ARV1: variants seen among roughly 807,000 people sequenced by gnomAD.
ARV1 encodes ARV1 fatty acid homeostasis modulator.
In ARV1, 26 loss-of-function variants were observed where a neutral mutation model predicts 31.1. That is an observed-to-expected ratio of 0.84 (90% CI 0.61 to 1.16). The LOEUF is 1.16. ARV1 is among the 50% of genes most tolerant of loss of function. The probability of loss-of-function intolerance (pLI) is 0.00; values close to 1 mark genes in which losing one functional copy is unlikely to be tolerated. For missense variants in ARV1, 281 were observed against 324.9 expected (o/e 0.86, Z 1.04); for synonymous variants, 117 against 123.2 (o/e 0.95, Z 0.34).
intron 3 of ARV1, among the ~76,000 whole-genome samples, chr1:230,992,660 C>T (rs2103053171): frequency 1.3e-5 from 2 of 152,302 alleles, no homozygotes; most frequent in South Asian, 4.1e-4. Flanking sequence ...ATACATTCAT[C>T]CACGCACTCT....
chr1:230,995,630 G>T, intron 3 of ARV1, 130 bp from the exon 4 acceptor site: 1 of 662,778 alleles, frequency 1.5e-6, no homozygotes, highest in Non-Finnish European at 2.4e-6. Context: ...AAAAGAGATT[G>T]TGATCTTGAG....
chr1:230,994,540 A>ATTT (rs34618657), intron 3 of ARV1, among the ~76,000 whole-genome samples: 23 of 134,056 alleles, frequency 1.7e-4, no homozygotes, highest in African/African-American at 5.3e-4. Flanking sequence ...AACCATCCTA[A>ATTT]TTTTTTTTTT....
intron 3 of ARV1, 100 bp from the exon 4 acceptor site, chr1:230,995,660 C>G (rs1679339561): frequency 1.2e-6 from 1 of 811,550 alleles, no homozygotes; most frequent in African/African-American, 1.8e-5. Context: ...CTTATGAAGT[C>G]AGCTGATAAG....
At chr1:230,989,079 A>C (rs2103049590) in intron 2 of ARV1, among the ~76,000 whole-genome samples, 1 of 152,340 alleles carries the variant, frequency 6.6e-6, no homozygotes, top group African/African-American at 2.4e-5. Context: ...ATACTTATAC[A>C]ATAAAAATGG....
intron 1 of ARV1, among the ~76,000 whole-genome samples, chr1:230,979,825 A>G (rs1179897850): frequency 6.6e-6 from 1 of 151,982 alleles, no homozygotes; most frequent in Middle Eastern, 3.4e-3. Flanking sequence ...ATGATTTTCC[A>G]TCTCAGAGTT....
intron 3 of ARV1, among the ~76,000 whole-genome samples, chr1:230,994,017 A>G (rs930325445): frequency 3.9e-5 from 6 of 152,226 alleles, no homozygotes; most frequent in Admixed American, 6.5e-5. Flanking sequence ...TCCCCCATCT[A>G]TAGCTGCAGA....
intron 1 of ARV1, among the ~76,000 whole-genome samples, chr1:230,981,890 G>A (rs527337203): frequency 6.6e-6 from 1 of 152,164 alleles, no homozygotes; most frequent in Non-Finnish European, 1.5e-5. Flanking sequence ...AATGCCTGGA[G>A]CACTCTTCTA....
At chr1:230,985,004 T>A (rs1038779763) in intron 1 of ARV1, among the ~76,000 whole-genome samples, 3 of 152,176 alleles carry the variant, frequency 2.0e-5, no homozygotes. Flanking sequence ...CTTAGTGTCT[T>A]GTAAATTAAG....
intron 2 of ARV1, among the ~76,000 whole-genome samples, chr1:230,989,199 C>T (rs1006807782): frequency 4.6e-5 from 7 of 152,100 alleles, no homozygotes; most frequent in Admixed American, 6.5e-5. Context: ...AGTGCAGTGG[C>T]GTGATCTCGG....
At chr1:230,993,643 C>T (rs189079214) in intron 3 of ARV1, among the ~76,000 whole-genome samples, 154 of 152,202 alleles carry the variant, frequency 1.0e-3, no homozygotes, top group Non-Finnish European at 1.9e-3. Flanking sequence ...ACCTGTAATC[C>T]CAGCACTTTG....
chr1:230,991,668 G>C (rs1258354467), intron 3 of ARV1, among the ~76,000 whole-genome samples: 3 of 137,068 alleles, frequency 2.2e-5, no homozygotes, highest in African/African-American at 8.4e-5. Context: ...GTCTCACTCT[G>C]TCGCCCAGGC....
At chr1:230,996,674 A>AGTCT (rs1414845054) in intron 4 of ARV1, among the ~76,000 whole-genome samples, 12 of 152,092 alleles carry the variant, frequency 7.9e-5, no homozygotes, top group Non-Finnish European at 1.6e-4. Flanking sequence ...GGGCTCGAGC[A>AGTCT]GTCTGTCCAC....
intron 5 of ARV1, chr1:230,999,721 T>TA (rs1679470593): frequency 6.6e-6 from 1 of 152,210 alleles, no homozygotes; most frequent in Non-Finnish European, 1.5e-5. Context: ...TTGCAGTGCT[T>TA]ACTTTTTCCG....
At chr1:230,995,582 T>TA (rs36036399) in intron 3 of ARV1, among the ~76,000 whole-genome samples, 178 bp from the exon 4 acceptor site, 36,913 of 141,494 alleles carry the variant, frequency 0.26, 4,898 homozygotes, top group Non-Finnish European at 0.29. Context: ...GGGGTTTATT[T>TA]AAAAAAAAAA....
intron 4 of ARV1, among the ~76,000 whole-genome samples, chr1:230,996,412 C>A (rs755546656): frequency 6.6e-6 from 1 of 151,938 alleles, no homozygotes; most frequent in Non-Finnish European, 1.5e-5. Flanking sequence ...TTCATTTTTC[C>A]CATATATTTT....
chr1:230,979,983 C>T (rs1558238754), intron 1 of ARV1, among the ~76,000 whole-genome samples: 1 of 152,158 alleles, frequency 6.6e-6, no homozygotes, highest in African/African-American at 2.4e-5. Flanking sequence ...TAGCAAAGAA[C>T]CTGTCACAGA....
chr1:230,992,635 T>A (rs1679259763), intron 3 of ARV1, among the ~76,000 whole-genome samples: 1 of 152,248 alleles, frequency 6.6e-6, no homozygotes. Flanking sequence ...CTCAGCTGAT[T>A]GAATGAATGA....
rs1558242688 is a variant in ARV1 at position 230,986,666 on chromosome 1, C to CTTTTTTTT, written c.175-1653_175-1652insTTTTTTTT. Among the ~76,000 whole-genome samples the CTTTTTTTT allele has an allele frequency of 7.5e-5, 6 of 79,688 alleles. 2 individuals carry two copies. The highest frequency in any genetic ancestry group is 3.4e-4 in the Admixed American group (2 of 5,964). The allele number at this position is 79,688 out of a possible 152,430, so 52.3% of individuals were successfully genotyped here. ...TCCACCCACAAATGTAATACTTTTCCTATTTTTTTTTTTTTTTTTTTTTTT... is the reference window on the plus strand; with the variant it reads ...TCCACCCACAAATGTAATACTTTTCCTTTTTTTTTATTTTTTTTTTTTTTTTTTTTTTT... On this transcript the variant is annotated intron_variant, in intron 1 of 5. Coordinates refer to ENST00000310256, the MANE Select transcript of ARV1 (RefSeq NM_022786.3).
intron 1 of ARV1, among the ~76,000 whole-genome samples, chr1:230,984,207 G>A (rs189743205): frequency 6.6e-6 from 1 of 152,282 alleles, no homozygotes; most frequent in Admixed American, 6.5e-5. Context: ...ACAAGATCCT[G>A]CCACTGCACT....
Sources: gnomAD v4.1 joint callset for allele counts (sites outside exome capture counted in the v4.1 genomes callset) on GRCh38, gnomAD v4.1.1 for gene constraint, MANE v1.5 for transcripts, NCBI Gene and HGNC (gene_info 2026-07-23, HGNC 2026-07-21) for gene names.